The following TMEM131 variants were observed in gnomAD, a reference collection of about 807,000 sequenced individuals.
TMEM131 encodes the protein transmembrane protein 131.
In TMEM131, 66 loss-of-function variants were observed where a neutral mutation model predicts 211.6. That is an observed-to-expected ratio of 0.31 (90% CI 0.26 to 0.38). The LOEUF is 0.38. Among genes scored for constraint, TMEM131 ranks in the 10% least tolerant of loss-of-function variants. TMEM131 has a pLI of 1.00. For missense variants in TMEM131, 2,036 were observed against 2,299.3 expected (o/e 0.89, Z 2.34); for synonymous variants, 844 against 841.3 (o/e 1.00, Z -0.06).
chr2:97,911,828 A>G (rs780797498), intron 2 of TMEM131, among the ~76,000 whole-genome samples: 4 of 152,240 alleles, frequency 2.6e-5, no homozygotes, highest in Non-Finnish European at 5.9e-5. Flanking sequence ...GAAGATCACA[A>G]TAGACACTAT....
At chr2:97,994,339 G>A (rs1011485964) in intron 1 of TMEM131, among the ~76,000 whole-genome samples, 2 of 152,166 alleles carry the variant, frequency 1.3e-5, no homozygotes, top group Non-Finnish European at 2.9e-5. Flanking sequence ...TTCCACCAAT[G>A]TTAACTCAGA....
Position 97,849,717 on chromosome 2 carries a change from CTTTT to C in TMEM131, c.484-5460_484-5457del, listed in dbSNP as rs11320615. ...TCTGTGTGTGTATATCTCTCTCTCT[CTTTT>C]TTTTTTTTTTTTTTTTTTTACTGTT... On this transcript the variant is annotated intron_variant, in intron 5 of 40. Coordinates refer to ENST00000186436, the MANE Select transcript of TMEM131 (RefSeq NM_015348.2). Among the ~76,000 whole-genome samples, 315 of 103,816 alleles carry C rather than the reference CTTTT, an allele frequency of 3.0e-3. 1 individual carries two copies. Among genetic ancestry groups the C allele is most frequent in the African/African-American group, 0.012 (305 of 26,072 alleles). 68.1% of individuals were successfully genotyped at this position (103,816 alleles called of 152,430 possible). A position where few individuals can be genotyped will look rare whatever the true frequency, so the allele number is the denominator to read the frequency against.
chr2:97,853,250 C>G (rs755001474), intron 5 of TMEM131, among the ~76,000 whole-genome samples: 2 of 152,104 alleles, frequency 1.3e-5, no homozygotes, highest in African/African-American at 4.8e-5. Context: ...TGGATCTGGG[C>G]AAAGTCCATT....
intron 33 of TMEM131, 135 bp from the exon 34 acceptor site, chr2:97,766,737 C>A: frequency 9.4e-7 from 1 of 1,063,988 alleles, no homozygotes; most frequent in Non-Finnish European, 1.4e-6. Flanking sequence ...GTTATCTACC[C>A]TTGGTCCTAA....
chr2:97,953,163 G>A (rs761465609), intron 1 of TMEM131, among the ~76,000 whole-genome samples: 2 of 152,262 alleles, frequency 1.3e-5, no homozygotes, highest in Admixed American at 1.3e-4. Context: ...AAATCATACT[G>A]ACGGTTAAAA....
Position 97,760,672 on chromosome 2 carries a change from T to C in TMEM131, c.5029A>G (p.Lys1677Glu), listed in dbSNP as rs1380017988. ...AAACCTGTTTTGTTTGAAGAAACTT[T>C]AGCAAAGCCATTCCCACCTGTAACA... is the stretch of plus-strand genomic sequence containing the variant. ...DKSPGGNGFAKVSSNKTGFSS... is the reference protein window; with the variant it reads ...DKSPGGNGFAEVSSNKTGFSS... The change falls in exon 38 of 41, where the codon AAA becomes GAA. Residue 1677 changes from lysine (K) to glutamate (E), a missense_variant. Physicochemically the swap from Lys to Glu is moderately conservative, Grantham distance 56. Transcript: ENST00000186436. 5.0e-6 allele frequency: 8 copies of C among 1,613,974 alleles called. No individual in the cohort carries two copies. Among genetic ancestry groups the C allele is most frequent in the Non-Finnish European group, 6.8e-6 (8 of 1,179,860 alleles).
rs554565047 is a variant in TMEM131, at chr2:97,920,150, T to C, written c.249+7276A>G. On this transcript the variant is annotated intron_variant, in intron 2 of 40. Coordinates refer to ENST00000186436, the MANE Select transcript of TMEM131 (RefSeq NM_015348.2). ...CTCCCCACTGGGTTGGCCGAGATTC[T>C]GCATCACAGTCTGAGACTCTCCTTG... 2.0e-5 allele frequency among the ~76,000 whole-genome samples: 3 copies of C among 152,354 alleles called. No homozygotes were observed. The South Asian group carries it at 6.2e-4, about 32-fold the overall frequency.
chr2:97,966,154 A>G (rs1247283696), intron 1 of TMEM131, among the ~76,000 whole-genome samples: 4 of 151,644 alleles, frequency 2.6e-5, no homozygotes, highest in Non-Finnish European at 4.4e-5. Flanking sequence ...TAGAATAATT[A>G]CTAGAGCTGA....
chr2:97,908,032 T>C (rs974053958), intron 3 of TMEM131, among the ~76,000 whole-genome samples: 2 of 152,178 alleles, frequency 1.3e-5, no homozygotes, highest in Admixed American at 6.5e-5. Context: ...TCTCTCACCT[T>C]TAGGCACCAG....
Position 97,870,679 on chromosome 2 carries a change from A to G in TMEM131, c.360-11252T>C, listed in dbSNP as rs1349109385. Among the ~76,000 whole-genome samples, 3 of 152,234 alleles carry G rather than the reference A, an allele frequency of 2.0e-5. No homozygotes were observed. In the South Asian group the frequency reaches 6.2e-4, roughly 31 times the overall value. ...AGAAAGATGACACTGCAGTGCCAGGAAACAGCTGAAGAAATGGCTTAGCAA... is the reference window on the plus strand; with the variant it reads ...AGAAAGATGACACTGCAGTGCCAGGGAACAGCTGAAGAAATGGCTTAGCAA... On this transcript the variant is annotated intron_variant, in intron 4 of 40. Coordinates refer to ENST00000186436, the MANE Select transcript of TMEM131 (RefSeq NM_015348.2).
chr2:97,804,692 T>C (rs1429820612), intron 22 of TMEM131, among the ~76,000 whole-genome samples: 2 of 151,792 alleles, frequency 1.3e-5, no homozygotes, highest in Non-Finnish European at 2.9e-5. Context: ...TCTGGTCTTG[T>C]ACCAAGTGCC....
intron 33 of TMEM131, among the ~76,000 whole-genome samples, chr2:97,771,611 G>A (rs115680238): frequency 0.012 from 1,818 of 152,334 alleles, 39 homozygotes; most frequent in African/African-American, 0.041. Flanking sequence ...CAATGAACCA[G>A]GAAAGGTATT....
intron 4 of TMEM131, among the ~76,000 whole-genome samples, chr2:97,868,758 G>T (rs935530212): frequency 2.6e-5 from 4 of 152,182 alleles, no homozygotes; most frequent in Non-Finnish European, 5.9e-5. Context: ...TCCAGAAAAG[G>T]TCTGTAAGAA....
intron 19 of TMEM131, among the ~76,000 whole-genome samples, chr2:97,806,509 C>G (rs770480219): frequency 5.3e-5 from 8 of 152,170 alleles, no homozygotes; most frequent in Non-Finnish European, 1.0e-4. Flanking sequence ...CCACGGCACT[C>G]CAGCCTGGGT....
intron 4 of TMEM131, among the ~76,000 whole-genome samples, chr2:97,873,984 T>C (rs1381344268): frequency 6.6e-6 from 1 of 152,082 alleles, no homozygotes; most frequent in African/African-American, 2.4e-5. Context: ...AAAAAAAGGT[T>C]AGACAAATTG....
At chr2:97,834,979 A>C in intron 8 of TMEM131, 54 bp from the exon 9 acceptor site, 1 of 1,590,168 alleles carries the variant, frequency 6.3e-7, no homozygotes, top group Non-Finnish European at 8.6e-7. Flanking sequence ...TAGCAAAACC[A>C]CCATTTTTTA....
intron 5 of TMEM131, among the ~76,000 whole-genome samples, chr2:97,845,525 A>G (rs1213265568): frequency 6.6e-6 from 1 of 152,242 alleles, no homozygotes; most frequent in Admixed American, 6.5e-5. Context: ...AAATTATAAA[A>G]TATTTTGAAT....
At chr2:97,995,431 C>A (rs1275465601) in intron 1 of TMEM131, 45 bp downstream of exon 1, 11 of 1,317,290 alleles carry the variant, frequency 8.4e-6, no homozygotes, top group Non-Finnish European at 1.1e-5. Context: ...TCCGCGAGAG[C>A]GGGGTGACAG....
chr2:97,778,533 A>G (rs534852400), intron 31 of TMEM131, among the ~76,000 whole-genome samples: 1 of 152,204 alleles, frequency 6.6e-6, no homozygotes, highest in East Asian at 1.9e-4. Flanking sequence ...CCTGGGTGAC[A>G]GAGCAAGACT....
Sources: gnomAD v4.1 joint callset for allele counts (sites outside exome capture counted in the v4.1 genomes callset) on GRCh38, gnomAD v4.1.1 for gene constraint, MANE v1.5 for transcripts, NCBI Gene and HGNC (gene_info 2026-07-23, HGNC 2026-07-21) for gene names.